TAS1R2: variants seen among roughly 807,000 people sequenced by gnomAD.
TAS1R2 encodes the protein taste 1 receptor member 2.
TAS1R2 carries 47 observed loss-of-function variants against 49.3 expected under a neutral mutation model. That is an observed-to-expected ratio of 0.95 (90% confidence interval 0.75 to 1.22). TAS1R2 has a LOEUF of 1.22. TAS1R2 is among the 50% of genes most tolerant of loss of function. The probability of loss-of-function intolerance (pLI) is 0.00; values close to 1 mark genes in which losing one functional copy is unlikely to be tolerated. For synonymous variants in TAS1R2, 479 were observed against 467.9 expected, an observed-to-expected ratio of 1.02 and a Z score of -0.31; for missense variants, 1,155 against 1,122.1, an observed-to-expected ratio of 1.03 and a Z score of -0.42.
At chr1:18,839,937 G>T (rs1471599588) in exon 6 of TAS1R2, 1 of 1,614,236 alleles carries the variant, frequency 6.2e-7, no homozygotes, top group Admixed American at 1.7e-5. Flanking sequence ...TTGAACAGCA[G>T]GCTGTTGCGG....
rs886896413 is a variant in TAS1R2 at position 18,854,345 on chromosome 1, G to A, written c.1125C>T (p.Thr375=). 6.2e-7 allele frequency: 1 copy of A among 1,613,928 alleles called. No individual in the cohort carries two copies. Among genetic ancestry groups the A allele is most frequent in the Non-Finnish European group, 8.5e-7 (1 of 1,179,890 alleles). ...CACGCTCCCCAGAGAGCCTGAGAATGGTGTTGAAGGACAAGGTGGCGTTCA... is the reference window on the plus strand; with the variant it reads ...CACGCTCCCCAGAGAGCCTGAGAATAGTGTTGAAGGACAAGGTGGCGTTCA... The change falls in exon 3 of 6, where the codon ACC becomes ACT. Residue 375 remains threonine, a synonymous_variant. Transcript: ENST00000375371. The surrounding 1 kb of genome is among the most constrained non-coding windows in gnomAD (Gnocchi z 4.9).
chr1:18,849,487 G>A lies in TAS1R2; in HGVS notation c.1321C>T (p.Gln441Ter). The A allele has an allele frequency of 1.2e-6, 2 of 1,614,236 alleles. No homozygotes were observed. The highest frequency in any genetic ancestry group is 1.7e-6 in the Non-Finnish European group (2 of 1,180,056). ...TCCAAGTGCAGAGCCACGTCCCCTT[G>A]CGGGTCGAAGAAGATTTGGTGGTCC... Residue 441 changes from glutamine to a stop codon, truncating the protein, a stop_gained, in exon 4 of 6, where the codon CAA (glutamine) becomes TAA (stop). Transcript: ENST00000375371. LOFTEE classifies it high-confidence loss of function.
chr1:18,840,081 C>A, exon 6 of TAS1R2: 1 of 1,614,232 alleles, frequency 6.2e-7, no homozygotes, highest in Non-Finnish European at 8.5e-7. Context: ...GCCATAGAGA[C>A]GTAGGGCCCC....
At chr1:18,847,815 A>G (rs1053255364) in intron 4 of TAS1R2, among the ~76,000 whole-genome samples, 1 of 152,214 alleles carries the variant, frequency 6.6e-6, no homozygotes, top group African/African-American at 2.4e-5. Context: ...AGACTGGACA[A>G]TTTACAAAAG....
intron 4 of TAS1R2, among the ~76,000 whole-genome samples, chr1:18,847,516 C>T (rs987798966): frequency 2.7e-5 from 4 of 150,538 alleles, no homozygotes; most frequent in Non-Finnish European, 4.4e-5. Flanking sequence ...AGAGTGCTGT[C>T]GGGGACTGGG....
At chr1:18,855,055 A>G in intron 2 of TAS1R2, 69 bp from the exon 3 acceptor site, 1 of 1,543,270 alleles carries the variant, frequency 6.5e-7, no homozygotes, top group South Asian at 1.2e-5. Flanking sequence ...CCAGGGCTCT[A>G]TCCACCATCA....
chr1:18,841,447 C>T (rs866691937), intron 5 of TAS1R2, among the ~76,000 whole-genome samples: 4 of 152,198 alleles, frequency 2.6e-5, no homozygotes, highest in Admixed American at 6.5e-5. Flanking sequence ...GGGCCCTGGG[C>T]TATGTGTGTG....
chr1:18,855,013 G>A lies in TAS1R2; in HGVS notation c.484-27C>T, dbSNP rs369158577. 1.3e-4 allele frequency: 205 copies of A among 1,588,948 alleles called. 1 individual carries two copies. Among genetic ancestry groups the A allele is most frequent in the African/African-American group, 6.7e-5 (5 of 74,550 alleles). ...TGCAAGGGGAAGGGCTGTGGCATGA[G>A]CGAGTGCCCCGCTGGGTGCTCTGCC... On this transcript the variant is annotated intron_variant, in intron 2 of 5. Coordinates refer to ENST00000375371, the Ensembl canonical transcript of TAS1R2.
chr1:18,843,994 C>T (rs1315975090), intron 4 of TAS1R2, among the ~76,000 whole-genome samples: 1 of 152,186 alleles, frequency 6.6e-6, no homozygotes, highest in Non-Finnish European at 1.5e-5. Context: ...TACCTAAGAC[C>T]TCAGGGAGAG....
At chr1:18,841,668 C>A (rs1933825843) in intron 5 of TAS1R2, 61 bp downstream of exon 5, 2 of 1,576,676 alleles carry the variant, frequency 1.3e-6, no homozygotes, top group South Asian at 1.1e-5. Context: ...CCTAGAGACT[C>A]CAGGGGCAGG....
chr1:18,857,385 G>A (rs1178619656), exon 2 of TAS1R2: 1 of 1,614,242 alleles, frequency 6.2e-7, no homozygotes, highest in African/African-American at 1.3e-5. Flanking sequence ...CAGACTCGGA[G>A]TTGTCAGGGC....
exon 4 of TAS1R2, chr1:18,849,407 G>A (rs1380912665): frequency 1.2e-6 from 2 of 1,614,182 alleles, no homozygotes; most frequent in Non-Finnish European, 1.7e-6. Context: ...GGGGGTAGTA[G>A]GAGGCGACGC....
At chr1:18,846,113 T>C (rs909397114) in intron 4 of TAS1R2, among the ~76,000 whole-genome samples, 1 of 152,238 alleles carries the variant, frequency 6.6e-6, no homozygotes, top group African/African-American at 2.4e-5. Context: ...CAGCCATTGC[T>C]GCAGTCACCA....
intron 2 of TAS1R2, among the ~76,000 whole-genome samples, chr1:18,855,257 T>C (rs551175979): frequency 6.6e-6 from 1 of 152,294 alleles, no homozygotes; most frequent in Admixed American, 6.5e-5. Flanking sequence ...CCAAGCCACA[T>C]ACACCATCAT....
chr1:18,853,529 A>G (rs1417145707), intron 3 of TAS1R2, among the ~76,000 whole-genome samples: 2 of 152,190 alleles, frequency 1.3e-5, no homozygotes, highest in African/African-American at 2.4e-5. Flanking sequence ...TGAGGATGGG[A>G]GAGGGATCTA....
At chr1:18,859,454 T>C in intron 1 of TAS1R2, 25 bp downstream of exon 1, 1 of 1,612,856 alleles carries the variant, frequency 6.2e-7, no homozygotes. Context: ...CCACTGCCAC[T>C]TCCAGCCCCA....
Position 18,854,588 on chromosome 1 carries a change from A to T in TAS1R2, c.882T>A (p.Thr294=), listed in dbSNP as rs28470550. ...ACTCGGAGGCGATCCACACGGCGCC[A>T]GTGAAGTTCTGGCGCAGCACCTCAT... Residue 294 remains threonine, a synonymous_variant, in exon 3 of 6, where the codon ACT becomes ACA. Coordinates refer to ENST00000375371, the Ensembl canonical transcript of TAS1R2. The surrounding 1 kb of genome is among the most constrained non-coding windows in gnomAD (Gnocchi z 4.9). The T allele has an allele frequency of 4.3e-6, 7 of 1,613,710 alleles. No homozygotes were observed. Among genetic ancestry groups the T allele is most frequent in the Non-Finnish European group, 5.9e-6 (7 of 1,179,920 alleles).
rs763888802 is a variant in TAS1R2, at chr1:18,839,662, C to G, written c.2457G>C (p.Pro819=). The G allele has an allele frequency of 1.1e-5, 18 of 1,614,018 alleles. No individual in the cohort carries two copies. The South Asian group carries it at 2.0e-4, about 18-fold the overall frequency. Reference sequence around the variant, plus strand: ...TGAAGTAGGCGGGCGTGTTGCGCTCCGGGTAGAAGAGGATCATGTAGCACT... The same window carrying G: ...TGAAGTAGGCGGGCGTGTTGCGCTCGGGGTAGAAGAGGATCATGTAGCACT... The change falls in exon 6 of 6, where the codon CCG becomes CCC. Residue 819 remains proline (P), a synonymous_variant. Transcript: ENST00000375371.
exon 2 of TAS1R2, chr1:18,857,450 G>T: frequency 1.9e-6 from 3 of 1,614,202 alleles, no homozygotes; most frequent in Non-Finnish European, 2.5e-6. Flanking sequence ...TGGATGGGAA[G>T]GAGGTTGTCC....
Sources: gnomAD v4.1 joint callset for allele counts (sites outside exome capture counted in the v4.1 genomes callset) on GRCh38, gnomAD v4.1.1 for gene constraint, Gnocchi (gnomAD v3.1) non-coding constraint, MANE v1.5 for transcripts, NCBI Gene and HGNC (gene_info 2026-07-23, HGNC 2026-07-21) for gene names.